Variants in SYNDIG1 observed in about 807,000 individuals in gnomAD.
The protein encoded by SYNDIG1 is synapse differentiation inducing 1.
In SYNDIG1, 9 loss-of-function variants were observed where a neutral mutation model predicts 19.4. The observed-to-expected ratio is 0.46, with a 90% CI of 0.28 to 0.81. SYNDIG1 has a LOEUF of 0.81. Ranked by LOEUF, SYNDIG1 falls within the 30% of genes least tolerant of loss-of-function variation. SYNDIG1 has a pLI of 0.12. For synonymous variants in SYNDIG1, 141 were observed against 145.9 expected, an observed-to-expected ratio of 0.97 and a Z score of 0.24; for missense variants, 311 against 343.3, an observed-to-expected ratio of 0.91 and a Z score of 0.74.
intron 1 of SYNDIG1, among the ~76,000 whole-genome samples, chr20:24,473,391 C>A (rs574599609): frequency 1.6e-4 from 25 of 152,168 alleles, no homozygotes; most frequent in Admixed American, 1.3e-3. Context: ...TCTCTAACCA[C>A]GTCACCAGAA....
At chr20:24,609,065 A>G (rs2147165188) in intron 3 of SYNDIG1, among the ~76,000 whole-genome samples, 1 of 152,256 alleles carries the variant, frequency 6.6e-6, no homozygotes, top group Middle Eastern at 3.4e-3. Context: ...TCTCAGTGTC[A>G]TGGGTGTTTT....
Position 24,665,487 on chromosome 20 carries a change from A to G in SYNDIG1, c.760A>G (p.Lys254Glu). Residue 254 changes from lysine to glutamate, a missense_variant, in exon 4 of 4, where the codon AAG becomes GAG. Lys to Glu is a moderately conservative substitution (Grantham distance 56, BLOSUM62 1). Coordinates refer to ENST00000376862, the MANE Select transcript of SYNDIG1 (RefSeq NM_024893.3). The stretch of plus-strand genomic sequence containing the variant: ...CGTGGCCCTCATCGCCTACCTCTCC[A>G]AGAACAACCACCTGTGAGCTTCCTG... ...VAVALIAYLS[K>E]NNHL 1 of 1,613,938 alleles carries G rather than the reference A, an allele frequency of 6.2e-7. No homozygotes were observed. The highest frequency in any genetic ancestry group is 8.5e-7 in the Non-Finnish European group (1 of 1,179,962).
chr20:24,557,585 G>T (rs1338956653), intron 2 of SYNDIG1, among the ~76,000 whole-genome samples: 1 of 152,186 alleles, frequency 6.6e-6, no homozygotes, highest in Non-Finnish European at 1.5e-5. Flanking sequence ...GACCCTGTTT[G>T]CCTGGGTATC....
chr20:24,548,088 T>A (rs545613022), intron 2 of SYNDIG1, among the ~76,000 whole-genome samples: 1 of 152,260 alleles, frequency 6.6e-6, no homozygotes, highest in African/African-American at 2.4e-5. Context: ...CACTTGGCCA[T>A]CGAATCCTCG....
At chr20:24,516,472 C>T (rs187303557) in intron 1 of SYNDIG1, among the ~76,000 whole-genome samples, 22 of 152,014 alleles carry the variant, frequency 1.4e-4, no homozygotes, top group Admixed American at 5.9e-4. Context: ...AACAAATTTA[C>T]GAGAAAAAAA....
At chr20:24,610,406 C>T (rs1332414235) in intron 3 of SYNDIG1, among the ~76,000 whole-genome samples, 2 of 152,258 alleles carry the variant, frequency 1.3e-5, no homozygotes, top group East Asian at 1.9e-4. Context: ...CCGGATCACC[C>T]GCCGTGGGCA....
chr20:24,518,043 T>C (rs1397795564), intron 1 of SYNDIG1, among the ~76,000 whole-genome samples: 4 of 151,824 alleles, frequency 2.6e-5, no homozygotes. Context: ...CTTGATCTCG[T>C]GATCCACCTG....
chr20:24,538,324 T>C (rs562912476), intron 1 of SYNDIG1, among the ~76,000 whole-genome samples: 1 of 152,338 alleles, frequency 6.6e-6, no homozygotes, highest in South Asian at 2.1e-4. Flanking sequence ...TTGATGACTC[T>C]AAGTACCTCA....
chr20:24,648,525 T>TA (rs760817698), intron 3 of SYNDIG1, among the ~76,000 whole-genome samples: 8 of 152,188 alleles, frequency 5.3e-5, no homozygotes, highest in Non-Finnish European at 1.2e-4. Context: ...AGCAGGCAAA[T>TA]AAAAATCTGA....
chr20:24,544,299 C>T (rs561779909), intron 2 of SYNDIG1, among the ~76,000 whole-genome samples: 10 of 152,156 alleles, frequency 6.6e-5, no homozygotes, highest in South Asian at 2.1e-4. Context: ...CATGGACTAG[C>T]GGTTTGCTGC....
rs1223781511 is a variant in SYNDIG1 at position 24,543,393 on chromosome 20, T to C, written c.296T>C (p.Leu99Pro). 1 of 1,613,672 alleles carries C rather than the reference T, an allele frequency of 6.2e-7. No homozygotes were observed. The highest frequency in any genetic ancestry group is 1.7e-5 in the Admixed American group (1 of 60,016). ...ATCATCCTCTATTCAGAGGGCGTGC[T>C]GCGCTCCTGGGGGGACGGTGTGGCC... is the stretch of plus-strand genomic sequence containing the variant. ...PNIILYSEGV[L>P]RSWGDGVAAD... The change falls in exon 2 of 4, where the codon CTG (leucine) becomes CCG (proline). Residue 99 changes from leucine (L) to proline (P), a missense_variant. Coordinates refer to ENST00000376862, the MANE Select transcript of SYNDIG1 (RefSeq NM_024893.3).
At chr20:24,475,954 G>A (rs1357162360) in intron 1 of SYNDIG1, among the ~76,000 whole-genome samples, 5 of 151,214 alleles carry the variant, frequency 3.3e-5, no homozygotes, top group African/African-American at 7.3e-5. Context: ...TCCGCCTCCC[G>A]GGTTCAAGCG....
intron 3 of SYNDIG1, among the ~76,000 whole-genome samples, chr20:24,644,692 C>T (rs1404932070): frequency 6.6e-6 from 1 of 152,220 alleles, no homozygotes; most frequent in Non-Finnish European, 1.5e-5. Flanking sequence ...TATCTCAGCC[C>T]AGGAACCAGC....
Position 24,584,895 on chromosome 20 carries a change from C to G in SYNDIG1, c.520C>G (p.Leu174Val). The part of the protein sequence containing the change: ...SSDTESEDNF[L>V]MMPPRDHLGL... ...CGACACAGAGAGTGAGGACAATTTC[C>G]TCATGATGCCCCCGCGGGACCACCT... Residue 174 changes from leucine (L) to valine (V), a missense_variant, in exon 3 of 4, where the codon CTC becomes GTC. Coordinates refer to ENST00000376862, the MANE Select transcript of SYNDIG1 (RefSeq NM_024893.3). The G allele has an allele frequency of 6.2e-7, 1 of 1,614,186 alleles. No homozygotes were observed. The highest frequency in any genetic ancestry group is 1.1e-5 in the South Asian group (1 of 91,078).
intron 3 of SYNDIG1, among the ~76,000 whole-genome samples, chr20:24,618,965 G>A (rs2058994731): frequency 6.6e-6 from 1 of 152,124 alleles, no homozygotes; most frequent in South Asian, 2.1e-4. Context: ...AATATAGAGG[G>A]AGACAAAACG....
At chr20:24,505,073 G>A (rs1248751973) in intron 1 of SYNDIG1, among the ~76,000 whole-genome samples, 1 of 152,168 alleles carries the variant, frequency 6.6e-6, no homozygotes, top group African/African-American at 2.4e-5. Flanking sequence ...GCCGCGGCAG[G>A]GCTGTTCACA....
At chr20:24,565,982 T>G (rs2058036006) in intron 2 of SYNDIG1, among the ~76,000 whole-genome samples, 1 of 152,130 alleles carries the variant, frequency 6.6e-6, no homozygotes, top group African/African-American at 2.4e-5. Flanking sequence ...CCGGACACAG[T>G]TGTCTTAGGT....
intron 1 of SYNDIG1, among the ~76,000 whole-genome samples, chr20:24,496,011 A>AT (rs2146342030): frequency 6.6e-6 from 1 of 151,920 alleles, no homozygotes; most frequent in Admixed American, 6.6e-5. Flanking sequence ...CGCCTGGCTA[A>AT]TTTTTTGTTA....
chr20:24,476,006 G>A (rs6083529), intron 1 of SYNDIG1, among the ~76,000 whole-genome samples: 93,087 of 151,668 alleles, frequency 0.61, 29,900 homozygotes, highest in East Asian at 0.83. Context: ...GACTACAGGC[G>A]CACTCCACCA....
Sources: allele counts gnomAD v4.1 joint callset (sites outside exome capture counted in the v4.1 genomes callset), GRCh38; gene constraint gnomAD v4.1.1; transcripts MANE v1.5; gene names NCBI Gene and HGNC (gene_info 2026-07-23, HGNC 2026-07-21).